PSD3: variants seen among roughly 807,000 people sequenced by gnomAD.
The protein encoded by PSD3 is PH and SEC7 domain-containing protein 3.
Under a neutral mutation model 105.5 loss-of-function variants are expected in PSD3, and 49 were observed. The ratio of observed to expected loss-of-function variants is 0.46; its 90% CI spans 0.37 to 0.59. The LOEUF is 0.59. Among genes scored for constraint, PSD3 ranks in the 20% least tolerant of loss-of-function variants. The pLI is 0.00. For missense variants in PSD3, 1,561 were observed against 1,263.8 expected, an observed-to-expected ratio of 1.24 and a Z score of -3.57; for synonymous variants, 557 against 457.8, an observed-to-expected ratio of 1.22 and a Z score of -2.77.
At chr8:18,544,974 A>C (rs1355124148) in intron 15 of PSD3, among the ~76,000 whole-genome samples, 3 of 152,196 alleles carry the variant, frequency 2.0e-5, no homozygotes, top group African/African-American at 7.2e-5. Context: ...TGCCAAGACC[A>C]GGAGTAGAAA....
chr8:18,622,607 C>A (rs1467289788), intron 11 of PSD3, among the ~76,000 whole-genome samples: 1 of 151,858 alleles, frequency 6.6e-6, no homozygotes, highest in African/African-American at 2.4e-5. Flanking sequence ...TGTTATTGAC[C>A]AATAAAAATT....
Position 18,763,999 on chromosome 8 carries a change from G to A in PSD3, c.2172+1450C>T, listed in dbSNP as rs77736999. ...CTTGGTAGAGGAAGTCAAAGAACAC[G>A]TTTACTCAAGGTGAACAGTAGCCTC... On this transcript the variant is annotated intron_variant, in intron 9 of 15. Coordinates refer to ENST00000327040, the MANE Select transcript of PSD3 (RefSeq NM_015310.4). Among the ~76,000 whole-genome samples the A allele has an allele frequency of 2.0e-3, 307 of 152,234 alleles. 3 individuals are homozygous for A. In the East Asian group the frequency reaches 0.029, roughly 14 times the overall value.
intron 9 of PSD3, among the ~76,000 whole-genome samples, chr8:18,691,548 C>G (rs1800973428): frequency 6.6e-6 from 1 of 152,216 alleles, no homozygotes; most frequent in South Asian, 2.1e-4. Context: ...ATTCTTAATT[C>G]TAGCCCAAAG....
chr8:18,721,502 A>C (rs1005476628), intron 9 of PSD3, among the ~76,000 whole-genome samples: 2 of 152,206 alleles, frequency 1.3e-5, no homozygotes, highest in Non-Finnish European at 2.9e-5. Flanking sequence ...AGAAGTTAAA[A>C]AGATTGACGT....
chr8:18,565,908 A>G (rs1254997027), intron 14 of PSD3, among the ~76,000 whole-genome samples: 1 of 152,048 alleles, frequency 6.6e-6, no homozygotes, highest in Admixed American at 6.6e-5. Context: ...GAAGCTGGGG[A>G]TATCGCTAAA....
At chr8:18,845,547 A>C (rs1815014657) in intron 4 of PSD3, among the ~76,000 whole-genome samples, 1 of 152,192 alleles carries the variant, frequency 6.6e-6, no homozygotes, top group African/African-American at 2.4e-5. Context: ...AGTGTCAGCC[A>C]CACCCATGAG....
rs747126595 is a variant in PSD3, at chr8:18,528,963, G to A, written c.*6780C>T. ...GCTCAACTGCTCAGCATGTTCAGTCGGAGCTCTCTTACCAGTAAAGCTCAG... is the reference window on the plus strand; with the variant it reads ...GCTCAACTGCTCAGCATGTTCAGTCAGAGCTCTCTTACCAGTAAAGCTCAG... On this transcript the variant is annotated 3_prime_UTR_variant, in exon 16 of 16. Coordinates refer to ENST00000327040, the MANE Select transcript of PSD3 (RefSeq NM_015310.4). 1 of 152,212 alleles carries A rather than the reference G, an allele frequency of 6.6e-6. No homozygotes were observed. Among genetic ancestry groups the A allele is most frequent in the African/African-American group, 2.4e-5 (1 of 41,420 alleles). The allele number at this position is 152,212 out of a possible 1,614,324, so 9.4% of individuals were successfully genotyped here. A position where few individuals can be genotyped will look rare whatever the true frequency, so the allele number is the denominator to read the frequency against.
chr8:18,590,457 A>G (rs1184809274), intron 12 of PSD3, among the ~76,000 whole-genome samples: 2 of 152,234 alleles, frequency 1.3e-5, no homozygotes, highest in South Asian at 2.1e-4. Flanking sequence ...ATCCTTTCAG[A>G]TCCTTTCCTC....
At chr8:18,610,791 G>C (rs930300783) in intron 11 of PSD3, among the ~76,000 whole-genome samples, 1 of 151,932 alleles carries the variant, frequency 6.6e-6, no homozygotes, top group Non-Finnish European at 1.5e-5. Context: ...ATTCCTATAA[G>C]AGGTCTCAAG....
chr8:18,548,079 A>T (rs1800554595), intron 15 of PSD3, among the ~76,000 whole-genome samples: 1 of 152,152 alleles, frequency 6.6e-6, no homozygotes, highest in Non-Finnish European at 1.5e-5. Flanking sequence ...TCTGCATAAG[A>T]AAGTCTGCTG....
rs4921986 is a variant in PSD3, at chr8:19,074,286, G to A, written c.324+9920C>T. On this transcript the variant is annotated intron_variant, in intron 1 of 1. Coordinates refer to the PSD3 transcript ENST00000521475. ...TGCTGTCTCTTAGCAACGTCTTGCA[G>A]GGTGGCCTTATTCAGTTGCCATCAC... is the stretch of plus-strand genomic sequence containing the variant. Among the ~76,000 whole-genome samples, 8 of 151,908 alleles carry A rather than the reference G, an allele frequency of 5.3e-5. No individual in the cohort carries two copies. In the East Asian group the frequency reaches 1.6e-3, roughly 30 times the overall value.
chr8:18,867,583 T>A, intron 4 of PSD3, 91 bp downstream of exon 4: 1 of 1,461,988 alleles, frequency 6.8e-7, no homozygotes, highest in African/African-American at 1.4e-5. Context: ...ATTGGCCAAA[T>A]GATTTAAATA....
intron 11 of PSD3, among the ~76,000 whole-genome samples, chr8:18,622,220 A>T (rs1806165183): frequency 6.6e-6 from 1 of 152,350 alleles, no homozygotes; most frequent in African/African-American, 2.4e-5. Context: ...GAATCTATAA[A>T]AGAATGTGAT....
intron 9 of PSD3, among the ~76,000 whole-genome samples, chr8:18,725,575 G>A (rs1355108319): frequency 6.6e-6 from 1 of 152,056 alleles, no homozygotes; most frequent in Non-Finnish European, 1.5e-5. Context: ...TTGAGAGACG[G>A]GGACATCTAA....
chr8:19,007,439 T>C (rs1826739492), intron 1 of PSD3, among the ~76,000 whole-genome samples: 1 of 151,926 alleles, frequency 6.6e-6, no homozygotes, highest in South Asian at 2.1e-4. Flanking sequence ...ACATTTCACA[T>C]GCTTAGCAGC....
intron 1 of PSD3, among the ~76,000 whole-genome samples, chr8:18,987,509 G>C (rs1179241428): frequency 1.3e-5 from 2 of 151,628 alleles, no homozygotes; most frequent in Admixed American, 6.6e-5. Flanking sequence ...AGATGGTCTT[G>C]ATCTCCTGAC....
At chr8:19,001,519 T>G (rs1407707153) in intron 1 of PSD3, 1 of 151,692 alleles carries the variant, frequency 6.6e-6, no homozygotes, top group Non-Finnish European at 1.5e-5. Context: ...TCTGGAAGAG[T>G]GGCAGTTTTC....
chr8:19,014,632 C>A (rs1291625157), upstream of PSD3, among the ~76,000 whole-genome samples: 2 of 152,170 alleles, frequency 1.3e-5, no homozygotes, highest in Admixed American at 1.3e-4. The surrounding 1 kb of genome is among the most constrained non-coding windows in gnomAD (Gnocchi z 4.9). Context: ...GTATGTGTTA[C>A]CGCCTTATTG....
intron 9 of PSD3, among the ~76,000 whole-genome samples, chr8:18,686,580 A>G (rs116885763): frequency 8.7e-4 from 133 of 152,322 alleles, no homozygotes; most frequent in Non-Finnish European, 1.5e-3. Context: ...CCTGCGACAT[A>G]TCTGAGTATG....
Sources: gnomAD v4.1 joint callset for allele counts (sites outside exome capture counted in the v4.1 genomes callset) on GRCh38, gnomAD v4.1.1 for gene constraint, Gnocchi (gnomAD v3.1) non-coding constraint, MANE v1.5 for transcripts, NCBI Gene and HGNC (gene_info 2026-07-23, HGNC 2026-07-21) for gene names.